GPR89B: variants seen among roughly 807,000 people sequenced by gnomAD.
GPR89B encodes G protein-coupled receptor 89B.
GPR89B carries 25 observed loss-of-function variants against 52.4 expected under a neutral mutation model. The observed-to-expected ratio is 0.48, with a 90% confidence interval of 0.35 to 0.67. GPR89B has a LOEUF of 0.67. Ranked by LOEUF, GPR89B falls within the 30% of genes least tolerant of loss-of-function variation. The pLI is 0.01. For missense variants in GPR89B, 146 were observed against 450.2 expected (o/e 0.32, Z 6.11); for synonymous variants, 52 against 151.2 (o/e 0.34, Z 4.81).
intron 1 of GPR89B, among the ~76,000 whole-genome samples, chr1:147,930,875 C>T (rs1327087842): frequency 6.6e-6 from 1 of 152,146 alleles, no homozygotes; most frequent in Non-Finnish European, 1.5e-5. Flanking sequence ...GATTTCCACA[C>T]AGTGTGTTTT....
At chr1:147,988,182 G>A (rs1487678010) in intron 11 of GPR89B, among the ~76,000 whole-genome samples, 15 of 151,352 alleles carry the variant, frequency 9.9e-5, no homozygotes, top group African/African-American at 3.6e-4. Flanking sequence ...GCAAGACCCT[G>A]GCTCTACAAA....
At chr1:147,972,127 T>G (rs1657518163) in intron 10 of GPR89B, among the ~76,000 whole-genome samples, 1 of 150,350 alleles carries the variant, frequency 6.7e-6, no homozygotes, top group African/African-American at 2.5e-5. Context: ...ATTTTACATT[T>G]TATCCATGTT....
chr1:148,016,852 A>T, the GPR89B span, among the ~76,000 whole-genome samples: 10 of 149,832 alleles, frequency 6.7e-5, no homozygotes, highest in Admixed American at 3.3e-4. Context: ...CTTTTCATTT[A>T]AAAAAAAATC....
At chr1:147,961,648 C>T (rs1300040072) in intron 7 of GPR89B, among the ~76,000 whole-genome samples, 2 of 152,096 alleles carry the variant, frequency 1.3e-5, no homozygotes, top group Non-Finnish European at 2.9e-5. Flanking sequence ...CTTGAAAATC[C>T]AATTTTTTTA....
the GPR89B span, among the ~76,000 whole-genome samples, chr1:148,009,076 T>C: frequency 2.0e-5 from 3 of 152,200 alleles, no homozygotes; most frequent in East Asian, 1.9e-4. Flanking sequence ...TCCTCAAGTG[T>C]CAGCCTGACA....
chr1:147,963,685 A>T (rs1205471636), intron 7 of GPR89B, among the ~76,000 whole-genome samples: 3 of 152,108 alleles, frequency 2.0e-5, no homozygotes, highest in Non-Finnish European at 4.4e-5. Flanking sequence ...AAAATTAGTG[A>T]CAACACCAAA....
chr1:147,968,281 A>C (rs1378982279), intron 8 of GPR89B: 104 of 453,872 alleles, frequency 2.3e-4, no homozygotes, highest in South Asian at 1.6e-3. Flanking sequence ...TTGACTTTGC[A>C]TCTCTATCAA....
At chr1:148,000,278 T>G in the GPR89B span, among the ~76,000 whole-genome samples, 2 of 151,356 alleles carry the variant, frequency 1.3e-5, no homozygotes, top group Non-Finnish European at 2.9e-5. Flanking sequence ...CCTTTCAACT[T>G]TAAGCACATA....
chr1:147,965,836 TTTTG>T (rs1218742035), intron 7 of GPR89B, among the ~76,000 whole-genome samples: 1 of 151,972 alleles, frequency 6.6e-6, no homozygotes, highest in African/African-American at 2.4e-5. Flanking sequence ...AGCTGTTTTT[TTTTG>T]TTTGTTTGTT....
chr1:148,025,087 A>G, the GPR89B span, among the ~76,000 whole-genome samples: 1 of 152,004 alleles, frequency 6.6e-6, no homozygotes, highest in Non-Finnish European at 1.5e-5. Context: ...TAAAACTTGT[A>G]AAGTCATTCT....
intron 8 of GPR89B, 169 bp from the exon 9 acceptor site, chr1:147,968,706 G>A: frequency 1.1e-6 from 1 of 895,858 alleles, no homozygotes; most frequent in Non-Finnish European, 1.8e-6. Context: ...ACCTGCGTCA[G>A]AGGTTGGGAA....
At chr1:147,961,372 A>G (rs1656544267) in intron 7 of GPR89B, among the ~76,000 whole-genome samples, 3 of 152,070 alleles carry the variant, frequency 2.0e-5, no homozygotes, top group African/African-American at 4.8e-5. Flanking sequence ...CTATGTGTAT[A>G]TATAGTGAAA....
chr1:147,950,076 T>C (rs868992518), intron 5 of GPR89B, among the ~76,000 whole-genome samples: 164 of 87,578 alleles, frequency 1.9e-3, no homozygotes, highest in African/African-American at 4.1e-3. Flanking sequence ...GGGGGGCTGA[T>C]CCCCCCACCT....
chr1:147,938,965 G>A (rs1654330903), intron 3 of GPR89B, 148 bp downstream of exon 3: 1 of 609,152 alleles, frequency 1.6e-6, no homozygotes, highest in Non-Finnish European at 2.9e-6. Context: ...AACAGATATG[G>A]GTCACAGCCA....
chr1:147,928,703 T>C lies in GPR89B; in HGVS notation c.42+125T>C. On this transcript the variant is annotated intron_variant, in intron 1 of 13. Transcript: ENST00000314163. ...CTCTTACGCGGCCTGCGCCAGTCAC[T>C]CTGGCACACAGAGAGGGTGTGCGAT... The C allele has an allele frequency of 3.6e-6, 5 of 1,374,076 alleles. No individual in the cohort carries two copies. The Admixed American group carries it at 8.9e-5, about 24-fold the overall frequency. 85.1% of individuals were successfully genotyped at this position (1,374,076 alleles called of 1,614,324 possible).
chr1:147,994,214 G>T, downstream of GPR89B: 3 of 1,595,820 alleles, frequency 1.9e-6, no homozygotes, highest in South Asian at 1.1e-5. Flanking sequence ...CAGTAAACAG[G>T]TCGCAACTCA....
the GPR89B span, among the ~76,000 whole-genome samples, chr1:148,004,311 C>T: frequency 2.6e-5 from 4 of 151,692 alleles, no homozygotes; most frequent in Admixed American, 1.3e-4. Context: ...CGCCCGCCAC[C>T]GCACCTGGCT....
At chr1:147,990,423 CT>C (rs1173538415) in intron 12 of GPR89B, among the ~76,000 whole-genome samples, 1 of 152,112 alleles carries the variant, frequency 6.6e-6, no homozygotes, top group African/African-American at 2.4e-5. Flanking sequence ...ATGGTAGTTT[CT>C]TTTGCTGTGC....
intron 5 of GPR89B, among the ~76,000 whole-genome samples, chr1:147,945,869 C>T (rs587745524): frequency 7.1e-4 from 108 of 151,228 alleles, no homozygotes; most frequent in African/African-American, 2.4e-3. Flanking sequence ...GGACTATGGG[C>T]GCATGCCACC....
Sources: allele counts gnomAD v4.1 joint callset (sites outside exome capture counted in the v4.1 genomes callset), GRCh38; gene constraint gnomAD v4.1.1; transcripts MANE v1.5; gene names NCBI Gene and HGNC (gene_info 2026-07-23, HGNC 2026-07-21).